PHACTR1: variants seen among roughly 807,000 people sequenced by gnomAD.
The protein encoded by PHACTR1 is RPEL repeat containing 1.
PHACTR1 carries 16 observed loss-of-function variants against 69.2 expected under a neutral mutation model. The observed-to-expected ratio is 0.23, with a 90% CI of 0.16 to 0.35. PHACTR1 has a LOEUF of 0.35. PHACTR1 is among the 10% of genes least tolerant of loss of function. PHACTR1 has a pLI of 1.00. For synonymous variants in PHACTR1, 312 were observed against 284.5 expected, an observed-to-expected ratio of 1.10 and a Z score of -0.97; for missense variants, 510 against 734.7, an observed-to-expected ratio of 0.69 and a Z score of 3.54.
chr6:12,957,716 A>G (rs1213140348), intron 4 of PHACTR1: 9 of 985,278 alleles, frequency 9.1e-6, no homozygotes, highest in Non-Finnish European at 1.1e-5. Flanking sequence ...GATAAAATGG[A>G]CCCTTCATGC....
At chr6:13,226,634 AG>A (rs1324899598) in intron 8 of PHACTR1, among the ~76,000 whole-genome samples, 1 of 152,224 alleles carries the variant, frequency 6.6e-6, no homozygotes, top group Non-Finnish European at 1.5e-5. Context: ...GTCATAAAAA[AG>A]GGTTCTAAGT....
At chr6:12,939,784 A>G (rs898540891) in intron 4 of PHACTR1, among the ~76,000 whole-genome samples, 3 of 152,296 alleles carry the variant, frequency 2.0e-5, no homozygotes, top group Admixed American at 1.3e-4. Context: ...CATCCAGTCC[A>G]GAACTTTACC....
intron 12 of PHACTR1, chr6:13,280,800 T>G: frequency 2.1e-6 from 1 of 465,584 alleles, no homozygotes; most frequent in South Asian, 1.9e-5. Context: ...GGGCCTGACT[T>G]TGGCTGCAAA....
intron 4 of PHACTR1, among the ~76,000 whole-genome samples, chr6:13,006,425 A>G (rs932786684): frequency 6.6e-5 from 10 of 152,178 alleles, no homozygotes; most frequent in Non-Finnish European, 1.3e-4. Flanking sequence ...ATTTTGACTC[A>G]GAGTTCTACT....
At chr6:13,099,342 C>T (rs1221712073) in intron 5 of PHACTR1, among the ~76,000 whole-genome samples, 1 of 152,226 alleles carries the variant, frequency 6.6e-6, no homozygotes, top group African/African-American at 2.4e-5. Flanking sequence ...GGCTGTCTGT[C>T]TGTTGAGTCT....
intron 4 of PHACTR1, among the ~76,000 whole-genome samples, chr6:12,912,331 G>C (rs1320674088): frequency 6.6e-6 from 1 of 152,184 alleles, no homozygotes; most frequent in African/African-American, 2.4e-5. Context: ...GAGCAGACAA[G>C]GGTAGGCCCC....
chr6:12,749,012 G>A (rs983699988), intron 3 of PHACTR1, among the ~76,000 whole-genome samples: 2 of 152,216 alleles, frequency 1.3e-5, no homozygotes, highest in African/African-American at 2.4e-5. Flanking sequence ...CTCTTGCCTG[G>A]CAGTAAGGGA....
chr6:12,976,090 C>G (rs148488059), intron 4 of PHACTR1, among the ~76,000 whole-genome samples: 1 of 152,198 alleles, frequency 6.6e-6, no homozygotes, highest in African/African-American at 2.4e-5. Context: ...ATAGAAGAGG[C>G]TTAGCAATCA....
chr6:13,040,597 G>A (rs890080298), intron 4 of PHACTR1, among the ~76,000 whole-genome samples: 2 of 152,078 alleles, frequency 1.3e-5, no homozygotes, highest in Admixed American at 6.6e-5. Context: ...GTCATTAGCT[G>A]CTCTTTCACT....
intron 5 of PHACTR1, among the ~76,000 whole-genome samples, chr6:13,106,184 A>G (rs1366288606): frequency 6.6e-6 from 1 of 152,204 alleles, no homozygotes; most frequent in Non-Finnish European, 1.5e-5. Flanking sequence ...TTCTTTTCTC[A>G]TTGACATTGT....
intron 4 of PHACTR1, among the ~76,000 whole-genome samples, chr6:12,920,208 C>G (rs957529120): frequency 1.3e-5 from 2 of 152,282 alleles, no homozygotes; most frequent in Admixed American, 6.5e-5. Context: ...GAGGAGAGAT[C>G]AAGAGAATAA....
chr6:12,841,093 C>T (rs1778655103), intron 4 of PHACTR1, among the ~76,000 whole-genome samples: 1 of 152,160 alleles, frequency 6.6e-6, no homozygotes, highest in African/African-American at 2.4e-5. Context: ...TTTTTACTGT[C>T]TGTTGCATAA....
intron 10 of PHACTR1, among the ~76,000 whole-genome samples, chr6:13,257,090 A>G (rs547806116): frequency 6.6e-6 from 1 of 152,348 alleles, no homozygotes; most frequent in South Asian, 2.1e-4. Context: ...CAAGAAACCT[A>G]GCAGCTTCTG....
At chr6:12,755,254 A>G (rs893677643) in intron 4 of PHACTR1, among the ~76,000 whole-genome samples, 1 of 152,186 alleles carries the variant, frequency 6.6e-6, no homozygotes, top group African/African-American at 2.4e-5. Context: ...GTTTTATAGG[A>G]AATATCTGAG....
intron 6 of PHACTR1, among the ~76,000 whole-genome samples, chr6:13,174,078 A>G (rs532368527): frequency 6.6e-6 from 1 of 152,182 alleles, no homozygotes; most frequent in Non-Finnish European, 1.5e-5. Context: ...TCAAAAAAGT[A>G]CATAAGACGA....
intron 6 of PHACTR1, among the ~76,000 whole-genome samples, chr6:13,170,426 G>A (rs566197994): frequency 6.6e-6 from 1 of 152,250 alleles, no homozygotes; most frequent in East Asian, 1.9e-4. Flanking sequence ...GGTACGTGGG[G>A]CATAGTGGGC....
At chr6:12,869,659 G>A (rs1781827127) in intron 4 of PHACTR1, among the ~76,000 whole-genome samples, 2 of 152,236 alleles carry the variant, frequency 1.3e-5, no homozygotes, top group South Asian at 2.1e-4. Context: ...TGTTAATCAC[G>A]TTCACTCTGC....
intron 4 of PHACTR1, among the ~76,000 whole-genome samples, chr6:12,853,652 G>A (rs1290669334): frequency 2.6e-5 from 4 of 152,192 alleles, no homozygotes; most frequent in Non-Finnish European, 5.9e-5. Flanking sequence ...ATGGTGCAAG[G>A]CTCCTCTTCA....
chr6:12,738,080 T>G (rs1391384861), intron 3 of PHACTR1, among the ~76,000 whole-genome samples: 1 of 152,242 alleles, frequency 6.6e-6, no homozygotes, highest in African/African-American at 2.4e-5. Context: ...AAGGTTAGAA[T>G]CCAGTACTGG....
Sources: gnomAD v4.1 joint callset for allele counts (sites outside exome capture counted in the v4.1 genomes callset) on GRCh38, gnomAD v4.1.1 for gene constraint, MANE v1.5 for transcripts, NCBI Gene and HGNC (gene_info 2026-07-23, HGNC 2026-07-21) for gene names.